The following CFAP20DC variants were observed in gnomAD, a reference collection of about 807,000 sequenced individuals.
CFAP20DC encodes the protein protein CFAP20DC.
Under a neutral mutation model 101.7 loss-of-function variants are expected in CFAP20DC, and 84 were observed. The ratio of observed to expected loss-of-function variants is 0.83; its 90% CI spans 0.69 to 0.99. The LOEUF is 0.99. CFAP20DC is among the 50% of genes least tolerant of loss of function. CFAP20DC has a pLI of 0.00. For missense variants in CFAP20DC, 1,007 were observed against 970.3 expected (o/e 1.04, Z -0.50); for synonymous variants, 359 against 351.2 (o/e 1.02, Z -0.25).
chr3:59,025,215 T>C (rs922592102), intron 4 of CFAP20DC, among the ~76,000 whole-genome samples: 4 of 152,190 alleles, frequency 2.6e-5, no homozygotes, highest in Non-Finnish European at 4.4e-5. Flanking sequence ...CTAGCATCCA[T>C]ACCAAAACAA....
chr3:58,833,538 A>C (rs868447084), intron 13 of CFAP20DC, among the ~76,000 whole-genome samples: 2 of 152,140 alleles, frequency 1.3e-5, no homozygotes, highest in African/African-American at 4.8e-5. Flanking sequence ...CTTCACACCC[A>C]TTAGGATGGT....
At position 58,809,504 on chromosome 3, in the gene CFAP20DC, C is replaced by G. The variant is rs568296006; in HGVS notation, c.2176-3048G>C. Among the ~76,000 whole-genome samples, 679 of 151,892 alleles carry G rather than the reference C, an allele frequency of 4.5e-3. 3 individuals carry two copies. The highest frequency in any genetic ancestry group is 0.016 in the African/African-American group (654 of 41,450). On this transcript the variant is annotated intron_variant, in intron 14 of 16. Coordinates refer to ENST00000482387, the MANE Select transcript of CFAP20DC (RefSeq NM_001394063.1). Reference sequence around the variant, plus strand: ...AAATAAAGATGTTCTTTGAAACCAACGAGAACAAAGACATAACATACCAGA... The same window carrying G: ...AAATAAAGATGTTCTTTGAAACCAAGGAGAACAAAGACATAACATACCAGA...
At chr3:59,041,711 T>C (rs1240846447) in intron 3 of CFAP20DC, among the ~76,000 whole-genome samples, 1 of 152,082 alleles carries the variant, frequency 6.6e-6, no homozygotes, top group African/African-American at 2.4e-5. Context: ...ACAAACTACC[T>C]ACTTTTTTTC....
chr3:59,043,902 C>T (rs1210715213), intron 3 of CFAP20DC, among the ~76,000 whole-genome samples: 1 of 152,060 alleles, frequency 6.6e-6, no homozygotes, highest in East Asian at 1.9e-4. Flanking sequence ...GCAAATTTAA[C>T]AAACTTATTG....
chr3:58,967,833 T>C lies in CFAP20DC; in HGVS notation c.279-30071A>G, dbSNP rs552036219. Among the ~76,000 whole-genome samples, 7 of 152,224 alleles carry C rather than the reference T, an allele frequency of 4.6e-5. No individual in the cohort carries two copies. In the East Asian group the frequency reaches 1.2e-3, roughly 25 times the overall value. On this transcript the variant is annotated intron_variant, in intron 4 of 16. Coordinates refer to ENST00000482387, the MANE Select transcript of CFAP20DC (RefSeq NM_001394063.1). ...AGGTGTTAAGCCCAGTACCCAATAG[T>C]TATCTTTTCTGCTCCTCTCCCTCCT...
At chr3:58,807,106 C>T (rs1309380641) in intron 14 of CFAP20DC, among the ~76,000 whole-genome samples, 1 of 152,194 alleles carries the variant, frequency 6.6e-6, no homozygotes, top group Non-Finnish European at 1.5e-5. Flanking sequence ...TCAAGGAGGC[C>T]TGCCTGCCTC....
intron 15 of CFAP20DC, among the ~76,000 whole-genome samples, chr3:58,754,594 A>G (rs1034693451): frequency 2.6e-5 from 4 of 152,134 alleles, no homozygotes; most frequent in African/African-American, 9.7e-5. Flanking sequence ...AGATTTTCCA[A>G]TGTGAATTCT....
Position 58,968,375 on chromosome 3 carries a change from C to CT in CFAP20DC, c.279-30614dup, listed in dbSNP as rs1559915208. On this transcript the variant is annotated intron_variant, in intron 4 of 16. Transcript: ENST00000482387. ...TCTCCACAACCTTGCCAGCATGTTA[C>CT]TTTTTTTACTTTTTAACAATAGCCA... Among the ~76,000 whole-genome samples, 8 of 152,078 alleles carry CT rather than the reference C, an allele frequency of 5.3e-5. No individual in the cohort carries two copies. The South Asian group carries it at 1.0e-3, about 20-fold the overall frequency.
intron 4 of CFAP20DC, 55 bp from the exon 5 acceptor site, chr3:58,937,817 TC>T: frequency 1.1e-6 from 1 of 927,830 alleles, no homozygotes; most frequent in Non-Finnish European, 1.7e-6. Flanking sequence ...AATAACCACT[TC>T]TTTGGATAAT....
intron 14 of CFAP20DC, among the ~76,000 whole-genome samples, chr3:58,825,537 A>AC (rs1486902560): frequency 3.2e-5 from 4 of 123,766 alleles, no homozygotes; most frequent in Non-Finnish European, 5.0e-5. Flanking sequence ...TAAAAAAAGA[A>AC]AACACACACA....
At chr3:58,743,221 T>C (rs2067977670) in intron 16 of CFAP20DC, among the ~76,000 whole-genome samples, 1 of 152,046 alleles carries the variant, frequency 6.6e-6, no homozygotes, top group Non-Finnish European at 1.5e-5. Flanking sequence ...AGAGGACAAC[T>C]GTCTAAGTCA....
intron 3 of CFAP20DC, chr3:58,734,529 A>G (rs1279601166): frequency 6.6e-6 from 3 of 456,352 alleles, no homozygotes; most frequent in Non-Finnish European, 1.3e-5. Context: ...GATGTCTCCA[A>G]GCTCTCCAGC....
At chr3:58,934,355 T>G (rs1013012993) in intron 5 of CFAP20DC, among the ~76,000 whole-genome samples, 2 of 152,198 alleles carry the variant, frequency 1.3e-5, no homozygotes, top group African/African-American at 4.8e-5. Flanking sequence ...AAGGAGGAAC[T>G]GGTACCATTC....
At chr3:58,907,967 A>G (rs150648429) in intron 6 of CFAP20DC, among the ~76,000 whole-genome samples, 1 of 152,274 alleles carries the variant, frequency 6.6e-6, no homozygotes, top group African/African-American at 2.4e-5. Flanking sequence ...AGGCCTTCCA[A>G]ATACCTGAAA....
At chr3:59,005,360 A>G (rs2093410044) in intron 4 of CFAP20DC, among the ~76,000 whole-genome samples, 1 of 152,178 alleles carries the variant, frequency 6.6e-6, no homozygotes, top group Admixed American at 6.5e-5. Flanking sequence ...CCACAGATAA[A>G]TGAGAAACAA....
At chr3:59,034,911 G>T (rs1272299421) in intron 4 of CFAP20DC, among the ~76,000 whole-genome samples, 1 of 152,100 alleles carries the variant, frequency 6.6e-6, no homozygotes. Context: ...GTACCACATT[G>T]CACTTATTCT....
At chr3:58,802,346 T>A (rs919592057) in intron 15 of CFAP20DC, among the ~76,000 whole-genome samples, 2 of 152,248 alleles carry the variant, frequency 1.3e-5, no homozygotes, top group Non-Finnish European at 2.9e-5. Flanking sequence ...TTTCTCAACA[T>A]GAATGAACTG....
chr3:58,753,596 G>A, intron 16 of CFAP20DC, 173 bp downstream of exon 16: 1 of 553,750 alleles, frequency 1.8e-6, no homozygotes, highest in South Asian at 2.4e-5. Context: ...CTTCTTTTTA[G>A]TTGTAAAGAA....
At chr3:58,736,268 C>T (rs1266443289) in intron 3 of CFAP20DC, among the ~76,000 whole-genome samples, 1 of 152,152 alleles carries the variant, frequency 6.6e-6, no homozygotes, top group African/African-American at 2.4e-5. Context: ...CTCTCTTCAA[C>T]TGAGTTGGCT....
Sources: allele counts gnomAD v4.1 joint callset (sites outside exome capture counted in the v4.1 genomes callset), GRCh38; gene constraint gnomAD v4.1.1; transcripts MANE v1.5; gene names NCBI Gene and HGNC (gene_info 2026-07-23, HGNC 2026-07-21).